The following WWC2 variants were observed in gnomAD, a reference collection of about 807,000 sequenced individuals.
WWC2 encodes WW and C2 domain containing 2.
WWC2 carries 101 observed loss-of-function variants against 138.5 expected under a neutral mutation model. The ratio of observed to expected loss-of-function variants is 0.73; its 90% CI spans 0.62 to 0.86. The LOEUF (loss-of-function observed/expected upper bound fraction) is 0.86, where lower values mean the gene tolerates loss of function less well. WWC2 is among the 40% of genes least tolerant of loss of function. The pLI, the probability that WWC2 is intolerant of heterozygous loss-of-function variation, is 0.00. For synonymous variants in WWC2, 558 were observed against 538.4 expected (o/e 1.04, Z -0.50); for missense variants, 1,420 against 1,419.4 (o/e 1.00, Z -0.01).
intron 18 of WWC2, 22 bp downstream of exon 18, chr4:183,282,928 C>A: frequency 6.5e-7 from 1 of 1,548,666 alleles, no homozygotes; most frequent in South Asian, 1.2e-5. Flanking sequence ...GCTGTGCTGT[C>A]TTAAAACTGA....
intron 7 of WWC2, 21 bp downstream of exon 7, chr4:183,248,881 A>C: frequency 6.4e-7 from 1 of 1,557,668 alleles, no homozygotes. Flanking sequence ...TGTGCTGAAG[A>C]GTTGGCCCAG....
At position 183,318,138 on chromosome 4, in the gene WWC2, A is replaced by T. The variant is rs1055619746; in HGVS notation, c.*2409A>T. The T allele has an allele frequency of 2.0e-5, 3 of 152,448 alleles. No homozygotes were observed. Among genetic ancestry groups the T allele is most frequent in the African/African-American group, 7.2e-5 (3 of 41,446 alleles). 9.4% of individuals were successfully genotyped at this position (152,448 alleles called of 1,614,324 possible). ...TAGAATTTATTCGCACAGGGTAAAA[A>T]GAATGTAATATTTAGTTCTCAAGTT... On this transcript the variant is annotated 3_prime_UTR_variant, in exon 23 of 23. Coordinates refer to ENST00000403733, the MANE Select transcript of WWC2 (RefSeq NM_024949.6).
intron 1 of WWC2, among the ~76,000 whole-genome samples, chr4:183,112,736 A>G (rs967224093): frequency 1.4e-4 from 21 of 152,288 alleles, no homozygotes; most frequent in African/African-American, 4.3e-4. Flanking sequence ...AATAAACAAG[A>G]TGAAGTGATA....
intron 4 of WWC2, among the ~76,000 whole-genome samples, chr4:183,215,861 A>G (rs757716920): frequency 6.6e-6 from 1 of 152,328 alleles, no homozygotes; most frequent in East Asian, 1.9e-4. Flanking sequence ...GGCATTTTAC[A>G]ATATTAAAAG....
intron 1 of WWC2, among the ~76,000 whole-genome samples, chr4:183,100,545 A>G (rs2152885114): frequency 6.6e-6 from 1 of 152,364 alleles, no homozygotes; most frequent in Admixed American, 6.5e-5. Flanking sequence ...GCCACCAGGG[A>G]TAACTTCGAC....
intron 6 of WWC2, among the ~76,000 whole-genome samples, chr4:183,247,908 T>G (rs1319145957): frequency 2.0e-5 from 3 of 150,756 alleles, no homozygotes; most frequent in Non-Finnish European, 4.4e-5. Flanking sequence ...ATATCAGGAT[T>G]AAATACAGGC....
At chr4:183,263,788 A>C (rs1338567038) in intron 11 of WWC2, among the ~76,000 whole-genome samples, 8 of 152,186 alleles carry the variant, frequency 5.3e-5, no homozygotes, top group Non-Finnish European at 1.2e-4. Flanking sequence ...ATTATCTTCA[A>C]GTCACCAGCA....
At position 183,320,430 on chromosome 4, in the gene WWC2, A is replaced by C; in HGVS notation, c.*4701A>C. On this transcript the variant is annotated 3_prime_UTR_variant, in exon 23 of 23. Coordinates refer to ENST00000403733, the MANE Select transcript of WWC2 (RefSeq NM_024949.6). ...ATAATGCCGCCAACCAGTAATGCCA[A>C]GGTGTGGCCAAGATTGTGTTTGTGT... The C allele has an allele frequency of 3.4e-6, 2 of 595,736 alleles. No individual in the cohort carries two copies. The highest frequency in any genetic ancestry group is 6.0e-6 in the Non-Finnish European group (2 of 333,440). 36.9% of individuals were successfully genotyped at this position (595,736 alleles called of 1,614,324 possible).
chr4:183,161,149 A>G (rs1272906391), intron 1 of WWC2, among the ~76,000 whole-genome samples: 1 of 152,162 alleles, frequency 6.6e-6, no homozygotes, highest in Non-Finnish European at 1.5e-5. Context: ...GTTTTTGTCC[A>G]GAGGTTGGCA....
In WWC2 at chr4:183,168,853, AT is replaced by A. The variant is rs542963433; in HGVS notation, c.132-24734del. 1.0e-3 allele frequency among the ~76,000 whole-genome samples: 151 copies of A among 148,168 alleles called. 1 individual carries two copies. Among genetic ancestry groups the A allele is most frequent in the African/African-American group, 2.8e-3 (115 of 40,678 alleles). On this transcript the variant is annotated intron_variant, in intron 1 of 22. Coordinates refer to ENST00000403733, the MANE Select transcript of WWC2 (RefSeq NM_024949.6). ...TCATTTTATGGCATATAGTATTATA[AT>A]TTTTTTTTTTTGAGACAGAGTTTCA...
chr4:183,284,278 G>A lies in WWC2; in HGVS notation c.2936G>A (p.Arg979His), dbSNP rs1375774383. The change falls in exon 19 of 23, where the codon CGC becomes CAC. Residue 979 changes from arginine to histidine, a missense_variant. Arg to His is a conservative substitution (Grantham distance 29). Coordinates refer to ENST00000403733, the MANE Select transcript of WWC2 (RefSeq NM_024949.6). Reference sequence around the variant, plus strand: ...GCCGCTAATGACAATATGGCAGTTCGCCCCAAAGAGCGCAGCAGCCTGAGC... The same window carrying A: ...GCCGCTAATGACAATATGGCAGTTCACCCCAAAGAGCGCAGCAGCCTGAGC... ...DEAANDNMAV[R>H]PKERSSLSSR... is the part of the protein sequence containing the mutation. 1.2e-5 allele frequency: 20 copies of A among 1,613,926 alleles called. No homozygotes were observed. Among genetic ancestry groups the A allele is most frequent in the Non-Finnish European group, 1.6e-5 (19 of 1,179,870 alleles).
In WWC2 at chr4:183,284,079, C is replaced by A. The variant is rs978971011; in HGVS notation, c.2884-147C>A. ...AGAAGTACTTCAGAAGTACTATAGTCTGTAATGCAAAGCCTTTCTCTTAGG... is the reference window on the plus strand; with the variant it reads ...AGAAGTACTTCAGAAGTACTATAGTATGTAATGCAAAGCCTTTCTCTTAGG... On this transcript the variant is annotated intron_variant, in intron 18 of 22. Coordinates refer to ENST00000403733, the MANE Select transcript of WWC2 (RefSeq NM_024949.6). 8 of 864,986 alleles carry A rather than the reference C, an allele frequency of 9.2e-6. No homozygotes were observed. The Admixed American group carries it at 2.3e-4, about 24-fold the overall frequency. 53.6% of individuals were successfully genotyped at this position (864,986 alleles called of 1,614,324 possible).
At chr4:183,160,877 ATAAGT>A (rs540353533) in intron 1 of WWC2, among the ~76,000 whole-genome samples, 1 of 152,302 alleles carries the variant, frequency 6.6e-6, no homozygotes, top group East Asian at 1.9e-4. Flanking sequence ...TATTGATGAG[ATAAGT>A]TGTAAGGCAA....
intron 14 of WWC2, 149 bp from the exon 15 acceptor site, chr4:183,268,822 C>CACGG (rs1737595572): frequency 2.3e-6 from 2 of 884,708 alleles, no homozygotes; most frequent in Non-Finnish European, 3.5e-6. Flanking sequence ...TGCAGCTGAG[C>CACGG]ACGGACCCGT....
intron 1 of WWC2, among the ~76,000 whole-genome samples, chr4:183,108,315 G>A (rs1732110386): frequency 6.6e-6 from 1 of 152,050 alleles, no homozygotes; most frequent in African/African-American, 2.4e-5. Context: ...GGTGACAATG[G>A]CATTTTATCT....
chr4:183,232,867 C>T lies in WWC2; in HGVS notation c.523-7316C>T, dbSNP rs142331128. Among the ~76,000 whole-genome samples the T allele has an allele frequency of 1.3e-3, 194 of 152,110 alleles. 1 individual carries two copies. The highest frequency in any genetic ancestry group is 4.3e-3 in the African/African-American group (179 of 41,506). On this transcript the variant is annotated intron_variant, in intron 4 of 22. Coordinates refer to ENST00000403733, the MANE Select transcript of WWC2 (RefSeq NM_024949.6). ...TTTGCTATGTTGGTCAGGCTGGTCT[C>T]GAACTCCTGACCTCAAGCAATCCAT...
intron 1 of WWC2, among the ~76,000 whole-genome samples, chr4:183,167,486 C>G (rs1734158999): frequency 6.6e-6 from 1 of 152,152 alleles, no homozygotes; most frequent in African/African-American, 2.4e-5. Flanking sequence ...ATCTCCCAGT[C>G]TGCTTGGGTC....
intron 1 of WWC2, among the ~76,000 whole-genome samples, chr4:183,112,186 C>T (rs1461937218): frequency 6.6e-6 from 1 of 152,242 alleles, no homozygotes; most frequent in African/African-American, 2.4e-5. Flanking sequence ...GATTGTCTAA[C>T]TCTACTTTCA....
intron 1 of WWC2, among the ~76,000 whole-genome samples, chr4:183,117,758 C>T (rs1465050276): frequency 6.6e-6 from 1 of 151,746 alleles, no homozygotes; most frequent in Non-Finnish European, 1.5e-5. Context: ...GCGTGAGCCA[C>T]CATGCCCAGC....
Sources: allele counts gnomAD v4.1 joint callset (sites outside exome capture counted in the v4.1 genomes callset), GRCh38; gene constraint gnomAD v4.1.1; transcripts MANE v1.5; gene names NCBI Gene and HGNC (gene_info 2026-07-23, HGNC 2026-07-21).